AFG2A: variants seen among roughly 807,000 people sequenced by gnomAD.
The protein encoded by AFG2A is AAA ATPase AFG2A, also known as ATPase family gene 2 protein homolog A.
chr4:122,945,066 A>G, the AFG2A span, among the ~76,000 whole-genome samples: 1 of 152,190 alleles, frequency 6.6e-6, no homozygotes, highest in African/African-American at 2.4e-5. Context: ...CCTCCCAGTT[A>G]GGCTGCTCGG....
the AFG2A span, among the ~76,000 whole-genome samples, chr4:123,024,304 C>CA: frequency 6.8e-6 from 1 of 147,814 alleles, no homozygotes; most frequent in African/African-American, 2.5e-5. Context: ...ACAGACCCCC[C>CA]AAAAAAAAAT....
the AFG2A span, among the ~76,000 whole-genome samples, chr4:123,031,215 G>A: frequency 6.6e-6 from 1 of 151,932 alleles, no homozygotes; most frequent in Non-Finnish European, 1.5e-5. Context: ...GCAGTGGCAC[G>A]ATCTCAGCTC....
the AFG2A span, among the ~76,000 whole-genome samples, chr4:123,007,878 G>A: frequency 9.9e-5 from 15 of 151,730 alleles, no homozygotes; most frequent in East Asian, 2.9e-3. Context: ...GCAATCATAG[G>A]GCTCATCTTA....
chr4:123,064,972 G>T, the AFG2A span, among the ~76,000 whole-genome samples: 1 of 152,066 alleles, frequency 6.6e-6, no homozygotes, highest in Non-Finnish European at 1.5e-5. Flanking sequence ...TGAGAAAACG[G>T]GGCTGTAGAC....
chr4:123,253,651 A>C, the AFG2A span, among the ~76,000 whole-genome samples: 1 of 151,880 alleles, frequency 6.6e-6, no homozygotes, highest in Admixed American at 6.6e-5. Flanking sequence ...CTCTGTCTCA[A>C]AAAAATAAAA....
chr4:123,267,557 T>C, the AFG2A span, among the ~76,000 whole-genome samples: 7 of 152,198 alleles, frequency 4.6e-5, no homozygotes, highest in African/African-American at 1.4e-4. Context: ...GGACAATCTT[T>C]CAGTGACAGC....
At chr4:123,140,732 CATT>C in the AFG2A span, among the ~76,000 whole-genome samples, 2 of 151,918 alleles carry the variant, frequency 1.3e-5, no homozygotes, top group African/African-American at 4.8e-5. Context: ...ATAATCTTAA[CATT>C]ATATAACATT....
At chr4:123,227,306 G>T in the AFG2A span, among the ~76,000 whole-genome samples, 2 of 151,980 alleles carry the variant, frequency 1.3e-5, no homozygotes, top group South Asian at 2.1e-4. Flanking sequence ...TGATGTCAGG[G>T]TATCAATTTT....
the AFG2A span, chr4:122,947,313 G>A: frequency 6.2e-7 from 1 of 1,613,848 alleles, no homozygotes; most frequent in South Asian, 1.1e-5. Context: ...GAAGACCTGG[G>A]CGATTTGATA....
the AFG2A span, among the ~76,000 whole-genome samples, chr4:123,307,739 T>A: frequency 6.6e-6 from 1 of 152,258 alleles, no homozygotes; most frequent in African/African-American, 2.4e-5. Context: ...ACCAGATACA[T>A]AATGGTGGTC....
chr4:123,265,119 C>T, the AFG2A span, among the ~76,000 whole-genome samples: 1 of 152,040 alleles, frequency 6.6e-6, no homozygotes, highest in Admixed American at 6.6e-5. Flanking sequence ...CAAACTTTAA[C>T]AGTTTTCCAC....
At chr4:123,097,939 T>C in the AFG2A span, among the ~76,000 whole-genome samples, 3 of 152,148 alleles carry the variant, frequency 2.0e-5, no homozygotes, top group African/African-American at 7.2e-5. Context: ...AAAGTGGTTT[T>C]TTGTGACATA....
chr4:122,985,469 T>C, the AFG2A span, among the ~76,000 whole-genome samples: 1 of 152,170 alleles, frequency 6.6e-6, no homozygotes, highest in African/African-American at 2.4e-5. Context: ...CTGGTTGTTA[T>C]TGGTCTGTTC....
chr4:123,095,042 A>AAAAT, the AFG2A span, among the ~76,000 whole-genome samples: 8 of 114,098 alleles, frequency 7.0e-5, no homozygotes, highest in African/African-American at 1.9e-4. Flanking sequence ...AAAAAAAAAA[A>AAAAT]ATATATATAT....
chr4:123,016,520 G>A, the AFG2A span, among the ~76,000 whole-genome samples: 3 of 150,680 alleles, frequency 2.0e-5, no homozygotes, highest in East Asian at 2.0e-4. Context: ...CATCTTAGAC[G>A]ATGGGCGGCT....
the AFG2A span, among the ~76,000 whole-genome samples, chr4:123,251,870 T>C: frequency 6.6e-6 from 1 of 152,116 alleles, no homozygotes; most frequent in African/African-American, 2.4e-5. Context: ...ATTTTCCTAA[T>C]TGAATTTTTG....
the AFG2A span, among the ~76,000 whole-genome samples, chr4:123,092,467 AG>A: frequency 6.6e-6 from 1 of 152,180 alleles, no homozygotes; most frequent in African/African-American, 2.4e-5. Context: ...GTAGGATGTA[AG>A]GCTTACAGTA....
At chr4:122,933,555 TAA>T in the AFG2A span, 1 of 1,430,024 alleles carries the variant, frequency 7.0e-7, no homozygotes, top group African/African-American at 1.4e-5. Flanking sequence ...CATCAGCAAA[TAA>T]AGTGTCTTTG....
chr4:123,042,575 A>G, the AFG2A span, among the ~76,000 whole-genome samples: 1 of 152,214 alleles, frequency 6.6e-6, no homozygotes, highest in African/African-American at 2.4e-5. Flanking sequence ...CCAACTTGAA[A>G]GATTTGTTAA....
Sources: gnomAD v4.1 joint callset for allele counts (sites outside exome capture counted in the v4.1 genomes callset) on GRCh38, gnomAD v4.1.1 for gene constraint, MANE v1.5 for transcripts, NCBI Gene and HGNC (gene_info 2026-07-23, HGNC 2026-07-21) for gene names.